Variants in NFATC1 observed in about 807,000 individuals in gnomAD.
NFATC1 encodes the protein nuclear factor of activated T cells 1.
Under a neutral mutation model 76.0 loss-of-function variants are expected in NFATC1, and 22 were observed. The ratio of observed to expected loss-of-function variants is 0.29; its 90% CI spans 0.21 to 0.41. The LOEUF (loss-of-function observed/expected upper bound fraction) is 0.41. NFATC1 is among the 10% of genes least tolerant of loss of function. The probability of loss-of-function intolerance (pLI) is 1.00; values close to 1 mark genes in which losing one functional copy is unlikely to be tolerated. For missense variants in NFATC1, 1,357 were observed against 1,337.7 expected, an observed-to-expected ratio of 1.01 and a Z score of -0.23; for synonymous variants, 704 against 613.1, an observed-to-expected ratio of 1.15 and a Z score of -2.19.
chr18:79,464,694 A>ATATAT (rs1568994689), intron 7 of NFATC1, among the ~76,000 whole-genome samples: 6 of 106,706 alleles, frequency 5.6e-5, no homozygotes, highest in African/African-American at 2.0e-4. Context: ...ATATATATAT[A>ATATAT]TTTATTTATT....
At chr18:79,397,628 A>G (rs2085051378) in intron 1 of NFATC1, among the ~76,000 whole-genome samples, 1 of 152,236 alleles carries the variant, frequency 6.6e-6, no homozygotes, top group African/African-American at 2.4e-5. Flanking sequence ...TCTTGCTAGT[A>G]GCAGAGTTTA....
rs2085984154 is a variant in NFATC1, at chr18:79,419,254, C to T, written c.1226+7753C>T. Among the ~76,000 whole-genome samples, 3 of 152,300 alleles carry T rather than the reference C, an allele frequency of 2.0e-5. No individual in the cohort carries two copies. The South Asian group carries it at 6.2e-4, about 32-fold the overall frequency. On this transcript the variant is annotated intron_variant, in intron 2 of 9. Coordinates refer to ENST00000427363, the MANE Select transcript of NFATC1 (RefSeq NM_001278669.2). ...TCCAGGGCTGATCTGGAACTCCTGG[C>T]CTGAAGCAGTCCTCCCGACCTGTCC...
At chr18:79,506,899 A>G (rs1023054337) in intron 9 of NFATC1, among the ~76,000 whole-genome samples, 2 of 152,150 alleles carry the variant, frequency 1.3e-5, no homozygotes, top group African/African-American at 4.8e-5. Context: ...TTCCTTCCAG[A>G]TTACAGTGTG....
intron 1 of NFATC1, among the ~76,000 whole-genome samples, chr18:79,399,334 G>A (rs899576423): frequency 6.6e-6 from 1 of 152,210 alleles, no homozygotes; most frequent in Non-Finnish European, 1.5e-5. Context: ...CTCGCCTCTG[G>A]AAAAGGCAGT....
chr18:79,442,325 G>A (rs73007687), intron 3 of NFATC1, among the ~76,000 whole-genome samples: 143 of 152,336 alleles, frequency 9.4e-4, no homozygotes, highest in Admixed American at 2.7e-3. Context: ...TCGCCGAGGC[G>A]TCGGTCCTGC....
rs2085171801 is a variant in NFATC1, at chr18:79,400,608, C to T, written c.127+4257C>T. 6.4e-6 allele frequency: 5 copies of T among 784,052 alleles called. 1 individual carries two copies. In the Admixed American group the frequency reaches 1.3e-4, roughly 21 times the overall value. The allele number at this position is 784,052 out of a possible 1,614,324, so 48.6% of individuals were successfully genotyped here. ...CCCCGGCGCGCCCGGGACCGAGGGG[C>T]TACGGCGGGGGACGCTGCAGTGCGG... On this transcript the variant is annotated intron_variant, in intron 1 of 9. Coordinates refer to ENST00000427363, the MANE Select transcript of NFATC1 (RefSeq NM_001278669.2).
intron 8 of NFATC1, among the ~76,000 whole-genome samples, chr18:79,474,330 C>T (rs1277189501): frequency 3.4e-5 from 5 of 147,136 alleles, no homozygotes; most frequent in Admixed American, 1.3e-4. Flanking sequence ...AGCGTGTTCT[C>T]GCGCTCACTG....
intron 2 of NFATC1, among the ~76,000 whole-genome samples, chr18:79,425,077 GTCTCTCCA>G: frequency 8.4e-6 from 1 of 119,234 alleles, no homozygotes; most frequent in Non-Finnish European, 1.7e-5. Context: ...TTCTCTCTCT[GTCTCTCCA>G]TCTCTGTCTC....
rs927860049 is a variant in NFATC1 at position 79,471,579 on chromosome 18, C to T, written c.2092+3997C>T. ...ACACGGAGCTCTTCCCCCATCAGTG[C>T]CCAGGAGAAGCTGCTCCCGGCCCTA... On this transcript the variant is annotated intron_variant, in intron 8 of 9. Transcript: ENST00000427363. Among the ~76,000 whole-genome samples, 5 of 152,298 alleles carry T rather than the reference C, an allele frequency of 3.3e-5. No individual in the cohort carries two copies. The East Asian group carries it at 9.6e-4, about 29-fold the overall frequency.
intron 2 of NFATC1, among the ~76,000 whole-genome samples, chr18:79,423,721 C>T (rs1568941900): frequency 6.6e-6 from 1 of 152,192 alleles, no homozygotes; most frequent in Non-Finnish European, 1.5e-5. Flanking sequence ...CTGTTCCCAC[C>T]CTGGCCCCAG....
chr18:79,449,038 C>T (rs1423529943), intron 4 of NFATC1, 54 bp downstream of exon 4: 3 of 1,563,612 alleles, frequency 1.9e-6, no homozygotes, highest in Non-Finnish European at 2.6e-6. Context: ...AGGGGGCGTG[C>T]CTCCCTCCCA....
At chr18:79,526,303 G>A (rs9948543) in intron 9 of NFATC1, among the ~76,000 whole-genome samples, 63,657 of 152,266 alleles carry the variant, frequency 0.42, 14,246 homozygotes, top group Non-Finnish European at 0.51. Flanking sequence ...CTTCCACACT[G>A]GGGGCGGAGC....
chr18:79,513,506 A>G (rs2090309002), intron 9 of NFATC1, among the ~76,000 whole-genome samples: 2 of 152,254 alleles, frequency 1.3e-5, no homozygotes, highest in South Asian at 4.1e-4. Flanking sequence ...AAACTGGTAC[A>G]AAAGCACCTC....
intron 9 of NFATC1, among the ~76,000 whole-genome samples, chr18:79,492,622 T>C (rs1391430833): frequency 1.3e-5 from 2 of 151,122 alleles, no homozygotes; most frequent in African/African-American, 4.9e-5. Flanking sequence ...GACAGGAGAA[T>C]GGCGTGAACC....
intron 9 of NFATC1, among the ~76,000 whole-genome samples, chr18:79,511,495 G>A (rs946816465): frequency 3.3e-5 from 5 of 152,360 alleles, no homozygotes; most frequent in African/African-American, 4.8e-5. Context: ...AGGGGAGGGC[G>A]GCACAGGTAA....
At chr18:79,482,485 C>T (rs2089317721) in intron 8 of NFATC1, among the ~76,000 whole-genome samples, 1 of 141,232 alleles carries the variant, frequency 7.1e-6, no homozygotes, top group Non-Finnish European at 1.5e-5. Flanking sequence ...GTCATTCCAG[C>T]ATGAGCTGTT....
At chr18:79,442,401 A>G (rs2087016082) in intron 3 of NFATC1, among the ~76,000 whole-genome samples, 1 of 152,176 alleles carries the variant, frequency 6.6e-6, no homozygotes, top group South Asian at 2.1e-4. Context: ...CCATGTCTCC[A>G]AGAAGAGGGG....
At chr18:79,402,534 C>T (rs1052604846) in intron 1 of NFATC1, among the ~76,000 whole-genome samples, 3 of 152,250 alleles carry the variant, frequency 2.0e-5, no homozygotes, top group Non-Finnish European at 4.4e-5. Flanking sequence ...AGCTGGGCTG[C>T]TGGCTCTCCA....
chr18:79,459,318 G>A (rs572953969), intron 6 of NFATC1, among the ~76,000 whole-genome samples: 4 of 152,218 alleles, frequency 2.6e-5, no homozygotes, highest in Non-Finnish European at 4.4e-5. Flanking sequence ...GGGAAAAGAC[G>A]CCTCCATGCC....
Sources: gnomAD v4.1 joint callset for allele counts (sites outside exome capture counted in the v4.1 genomes callset) on GRCh38, gnomAD v4.1.1 for gene constraint, MANE v1.5 for transcripts, NCBI Gene and HGNC (gene_info 2026-07-23, HGNC 2026-07-21) for gene names.